CACNA2D3: variants seen among roughly 807,000 people sequenced by gnomAD.
CACNA2D3 encodes calcium voltage-gated channel auxiliary subunit alpha2delta 3.
A neutral mutation model predicts 160.6 loss-of-function variants in CACNA2D3; 60 were observed. That is an observed-to-expected ratio of 0.37 (90% CI 0.30 to 0.46). The LOEUF is 0.46. Among genes scored for constraint, CACNA2D3 ranks in the 20% least tolerant of loss-of-function variants. The probability of loss-of-function intolerance (pLI) is 1.00; values close to 1 mark genes in which losing one functional copy is unlikely to be tolerated. For missense variants in CACNA2D3, 1,205 were observed against 1,365.0 expected, an observed-to-expected ratio of 0.88 and a Z score of 1.85; for synonymous variants, 558 against 492.9, an observed-to-expected ratio of 1.13 and a Z score of -1.75.
At chr3:54,426,454 AT>A (rs1699913970) in intron 4 of CACNA2D3, among the ~76,000 whole-genome samples, 1 of 152,208 alleles carries the variant, frequency 6.6e-6, no homozygotes, top group South Asian at 2.1e-4. Flanking sequence ...TGTTTCTCAC[AT>A]TAAATTTACC....
At chr3:54,809,307 C>CTTT (rs1417063441) in intron 13 of CACNA2D3, among the ~76,000 whole-genome samples, 4 of 86,248 alleles carry the variant, frequency 4.6e-5, no homozygotes, top group Non-Finnish European at 4.1e-5. Context: ...TTCCTTCCTT[C>CTTT]TTTCTTTTTT....
At chr3:54,666,875 CCT>C (rs1700076892) in intron 11 of CACNA2D3, among the ~76,000 whole-genome samples, 1 of 152,274 alleles carries the variant, frequency 6.6e-6, no homozygotes, top group Admixed American at 6.5e-5. Context: ...CTATCAAATT[CCT>C]CTGTCTGGCT....
intron 16 of CACNA2D3, among the ~76,000 whole-genome samples, chr3:54,840,345 G>A (rs1224495494): frequency 1.3e-5 from 2 of 151,320 alleles, no homozygotes; most frequent in Non-Finnish European, 2.9e-5. Context: ...AGAAACTGAG[G>A]CATGGAAAGC....
rs117170755 is a variant in CACNA2D3, at chr3:54,961,340, A to G, written c.2450-7110A>G. ...AAGCTGATGATCTGGATGAGCATTT[A>G]TCTGTACAATTTGGGTTTTGGGAAA... On this transcript the variant is annotated intron_variant, in intron 27 of 37. Transcript: ENST00000474759. 4.6e-4 allele frequency among the ~76,000 whole-genome samples: 70 copies of G among 152,356 alleles called. No individual in the cohort carries two copies. In the East Asian group the frequency reaches 0.013, roughly 28 times the overall value.
At chr3:54,707,141 G>T (rs889588912) in intron 11 of CACNA2D3, among the ~76,000 whole-genome samples, 1 of 152,198 alleles carries the variant, frequency 6.6e-6, no homozygotes, top group Non-Finnish European at 1.5e-5. Flanking sequence ...TGTCATTAGA[G>T]CATTTCCATG....
intron 4 of CACNA2D3, among the ~76,000 whole-genome samples, chr3:54,487,740 G>T (rs1335965851): frequency 6.6e-6 from 1 of 152,238 alleles, no homozygotes; most frequent in Non-Finnish European, 1.5e-5. Context: ...CTGTTGTTCA[G>T]TATGGTAGCC....
At chr3:54,401,967 G>C (rs754687019) in intron 4 of CACNA2D3, among the ~76,000 whole-genome samples, 1 of 152,036 alleles carries the variant, frequency 6.6e-6, no homozygotes, top group South Asian at 2.1e-4. Context: ...ATAAAAAGAC[G>C]TAAATTCTGA....
At chr3:54,459,666 A>G (rs1305404587) in intron 4 of CACNA2D3, among the ~76,000 whole-genome samples, 1 of 151,522 alleles carries the variant, frequency 6.6e-6, no homozygotes, top group South Asian at 2.1e-4. Context: ...TAGATTCTGG[A>G]TATTAGCCCT....
intron 35 of CACNA2D3, among the ~76,000 whole-genome samples, chr3:55,059,446 TG>T (rs1415811698): frequency 6.6e-6 from 1 of 152,174 alleles, no homozygotes; most frequent in Non-Finnish European, 1.5e-5. Context: ...AACAGGGGTG[TG>T]GCTTGTCTGT....
At chr3:54,341,674 T>C (rs904429476) in intron 3 of CACNA2D3, among the ~76,000 whole-genome samples, 2 of 152,206 alleles carry the variant, frequency 1.3e-5, no homozygotes, top group Non-Finnish European at 2.9e-5. Flanking sequence ...TCTCCAGCAA[T>C]TGATAGCTAC....
intron 4 of CACNA2D3, among the ~76,000 whole-genome samples, chr3:54,493,212 G>A (rs1447347428): frequency 2.6e-5 from 4 of 151,310 alleles, no homozygotes; most frequent in South Asian, 2.1e-4. Context: ...CGCATAGCTG[G>A]GACTACAGGC....
chr3:54,386,897 C>T (rs1174033957), intron 4 of CACNA2D3, 123 bp downstream of exon 4: 23 of 853,810 alleles, frequency 2.7e-5, no homozygotes, highest in Non-Finnish European at 1.3e-5. Flanking sequence ...GAGGATGGTA[C>T]TGAGTTGGAA....
chr3:54,694,563 A>G (rs1358544111), intron 11 of CACNA2D3, among the ~76,000 whole-genome samples: 1 of 152,234 alleles, frequency 6.6e-6, no homozygotes, highest in Non-Finnish European at 1.5e-5. Context: ...CCTCAGGAAC[A>G]GTTAACAGGA....
intron 5 of CACNA2D3, among the ~76,000 whole-genome samples, chr3:54,559,624 G>A (rs1702294626): frequency 6.6e-6 from 1 of 152,164 alleles, no homozygotes; most frequent in African/African-American, 2.4e-5. Flanking sequence ...AGGGGTACAT[G>A]TGCAGGTTTG....
At position 54,519,403 on chromosome 3, in the gene CACNA2D3, A is replaced by G. The variant is rs186436808; in HGVS notation, c.544+15749A>G. Among the ~76,000 whole-genome samples, 675 of 151,920 alleles carry G rather than the reference A, an allele frequency of 4.4e-3. 3 individuals carry two copies. Among genetic ancestry groups the G allele is most frequent in the Non-Finnish European group, 7.1e-3 (482 of 67,886 alleles). On this transcript the variant is annotated intron_variant, in intron 5 of 37. Coordinates refer to ENST00000474759, the MANE Select transcript of CACNA2D3 (RefSeq NM_018398.3). Reference sequence around the variant, plus strand: ...GATCCCATTCACCCTCCACCATCTCACAGTGCTCTGGGTGACACCAGCGTT... The same window carrying G: ...GATCCCATTCACCCTCCACCATCTCGCAGTGCTCTGGGTGACACCAGCGTT...
chr3:54,791,842 T>C (rs1048301043), intron 13 of CACNA2D3, among the ~76,000 whole-genome samples: 1 of 152,216 alleles, frequency 6.6e-6, no homozygotes, highest in Non-Finnish European at 1.5e-5. Context: ...CTCTGATGGA[T>C]AGTCAGTACA....
chr3:54,499,706 G>C (rs1457582938), intron 4 of CACNA2D3, among the ~76,000 whole-genome samples: 1 of 151,764 alleles, frequency 6.6e-6, no homozygotes, highest in African/African-American at 2.4e-5. Context: ...TATCTTTTTT[G>C]TTATTGATTT....
At chr3:54,635,780 A>G (rs1025854502) in intron 10 of CACNA2D3, among the ~76,000 whole-genome samples, 1 of 151,828 alleles carries the variant, frequency 6.6e-6, no homozygotes, top group African/African-American at 2.4e-5. Context: ...TAAGAGCCTG[A>G]AAAACTGCTT....
intron 27 of CACNA2D3, among the ~76,000 whole-genome samples, chr3:54,947,712 G>T (rs867863364): frequency 6.6e-6 from 1 of 152,092 alleles, no homozygotes; most frequent in Non-Finnish European, 1.5e-5. Flanking sequence ...GTCAGGACTC[G>T]GTCTTGGGAA....
Sources: allele counts gnomAD v4.1 joint callset (sites outside exome capture counted in the v4.1 genomes callset), GRCh38; gene constraint gnomAD v4.1.1; transcripts MANE v1.5; gene names NCBI Gene and HGNC (gene_info 2026-07-23, HGNC 2026-07-21).